The following STRADB variants were observed in gnomAD, a reference collection of about 807,000 sequenced individuals.
STRADB encodes the protein STE20 related adaptor beta, also known as STE20-related kinase adapter protein beta.
Under a neutral mutation model 52.1 loss-of-function variants are expected in STRADB, and 34 were observed. The observed-to-expected ratio is 0.65, with a 90% CI of 0.50 to 0.87. The LOEUF is 0.87. STRADB is among the 40% of genes least tolerant of loss of function. The pLI, the probability that STRADB is intolerant of heterozygous loss-of-function variation, is 0.00. For missense variants in STRADB, 340 were observed against 483.9 expected (o/e 0.70, Z 2.79); for synonymous variants, 133 against 174.5 (o/e 0.76, Z 1.87).
Position 201,454,866 on chromosome 2 carries a change from A to G in STRADB, c.12+14A>G. On this transcript the variant is annotated intron_variant, in intron 2 of 11. Transcript: ENST00000194530. Reference sequence around the variant, plus strand: ...ATGTCTCTTTTGGTAAGTTTTTGTAAATATAGATCTGATTTTGTTCTGTCA... The same window carrying G: ...ATGTCTCTTTTGGTAAGTTTTTGTAGATATAGATCTGATTTTGTTCTGTCA... The G allele has an allele frequency of 6.2e-7, 1 of 1,607,170 alleles. No homozygotes were observed. The highest frequency in any genetic ancestry group is 1.1e-5 in the South Asian group (1 of 89,778).
intron 3 of STRADB, among the ~76,000 whole-genome samples, chr2:201,467,613 C>T (rs554599408): frequency 1.1e-4 from 16 of 152,230 alleles, no homozygotes; most frequent in Non-Finnish European, 7.3e-5. Flanking sequence ...TGGCCACTTG[C>T]AAATGGCAAC....
chr2:201,472,458 A>G (rs2125680340), intron 4 of STRADB, among the ~76,000 whole-genome samples: 1 of 152,348 alleles, frequency 6.6e-6, no homozygotes, highest in Non-Finnish European at 1.5e-5. Context: ...AGCAACGTGG[A>G]TGAGTCTCAG....
At chr2:201,459,793 A>G (rs556265028) in intron 3 of STRADB, among the ~76,000 whole-genome samples, 12 of 152,354 alleles carry the variant, frequency 7.9e-5, no homozygotes, top group African/African-American at 2.6e-4. Context: ...CTAAATTAGC[A>G]TAATATGAGG....
intron 6 of STRADB, among the ~76,000 whole-genome samples, chr2:201,475,267 G>T (rs1952453896): frequency 6.6e-6 from 1 of 151,970 alleles, no homozygotes. Flanking sequence ...TTCAATAATT[G>T]TGTTGAATAA....
chr2:201,476,934 A>T (rs550597426), intron 7 of STRADB, among the ~76,000 whole-genome samples: 1 of 130,092 alleles, frequency 7.7e-6, no homozygotes, highest in South Asian at 2.9e-4. Context: ...GTAAGCCAGG[A>T]TCACTCCACT....
At chr2:201,454,569 T>C (rs1272898042) in intron 1 of STRADB, among the ~76,000 whole-genome samples, 177 bp from the exon 2 acceptor site, 1 of 152,220 alleles carries the variant, frequency 6.6e-6, no homozygotes, top group Non-Finnish European at 1.5e-5. Flanking sequence ...TAATGTTCAG[T>C]AAAAAATAAA....
intron 3 of STRADB, among the ~76,000 whole-genome samples, chr2:201,465,273 T>C (rs970329110): frequency 6.6e-6 from 1 of 152,144 alleles, no homozygotes; most frequent in Admixed American, 6.5e-5. Context: ...TGGATACTGT[T>C]GATGTTTATT....
Position 201,454,781 on chromosome 2 carries a change from A to G in STRADB, c.-60A>G. The G allele has an allele frequency of 2.0e-6, 3 of 1,527,344 alleles. No individual in the cohort carries two copies. The South Asian group carries it at 3.6e-5, about 18-fold the overall frequency. 94.6% of individuals were successfully genotyped at this position (1,527,344 alleles called of 1,614,324 possible). ...CTGCATCTTGAAAGGAAGATAAAAC[A>G]AAAGCCTTCTTTGGAATAGATGGAT... is the stretch of plus-strand genomic sequence containing the variant. On this transcript the variant is annotated 5_prime_UTR_variant, in exon 2 of 12. Coordinates refer to ENST00000194530, the MANE Select transcript of STRADB (RefSeq NM_018571.6).
At chr2:201,462,832 A>G (rs1207887825) in intron 3 of STRADB, among the ~76,000 whole-genome samples, 3 of 152,188 alleles carry the variant, frequency 2.0e-5, no homozygotes, top group Non-Finnish European at 2.9e-5. Context: ...ACAATGTTAT[A>G]ATAGTCTGTT....
intron 4 of STRADB, among the ~76,000 whole-genome samples, chr2:201,470,765 AG>A (rs1445120857): frequency 2.6e-5 from 4 of 152,216 alleles, no homozygotes; most frequent in Non-Finnish European, 5.9e-5. Context: ...GATGGCAAAA[AG>A]GGGCTGGATC....
chr2:201,463,144 T>A (rs1285626918), intron 3 of STRADB, among the ~76,000 whole-genome samples: 3 of 152,278 alleles, frequency 2.0e-5, no homozygotes, highest in Admixed American at 6.5e-5. Context: ...GAGACCATCC[T>A]GGCTAACATG....
At position 201,480,237 on chromosome 2, in the gene STRADB, G is replaced by T; in HGVS notation, c.*62G>T. ...CTTTCTCCTTGCTGCTTTTTCTTCT[G>T]TATTTCTAGGTACAAATACCAGAAT... On this transcript the variant is annotated 3_prime_UTR_variant, in exon 12 of 12. Coordinates refer to ENST00000194530, the MANE Select transcript of STRADB (RefSeq NM_018571.6). 6.3e-7 allele frequency: 1 copy of T among 1,592,924 alleles called. No individual in the cohort carries two copies.
chr2:201,453,137 G>C (rs553993837), intron 1 of STRADB, among the ~76,000 whole-genome samples: 2 of 149,828 alleles, frequency 1.3e-5, no homozygotes, highest in African/African-American at 4.9e-5. Flanking sequence ...AAAAATCTCT[G>C]AGATTAAACC....
At position 201,474,652 on chromosome 2, in the gene STRADB, C is replaced by T. The variant is rs1232664062; in HGVS notation, c.321C>T (p.Ala107=). 4.4e-6 allele frequency: 7 copies of T among 1,608,870 alleles called. No homozygotes were observed. Among genetic ancestry groups the T allele is most frequent in the South Asian group, 3.3e-5 (3 of 89,742 alleles). The change falls in exon 6 of 12, where the codon GCC becomes GCT. Residue 107 remains alanine (A), a synonymous_variant. Coordinates refer to ENST00000194530, the MANE Select transcript of STRADB (RefSeq NM_018571.6). ...NEERLKALQK[A]VILSHFFRHP... ...CTCTTGTGTGTTTATCCTAGAAAGC[C>T]GTGATTCTATCCCACTTTTTCCGGC...
At chr2:201,474,092 G>A (rs1044285819) in intron 5 of STRADB, among the ~76,000 whole-genome samples, 4 of 151,878 alleles carry the variant, frequency 2.6e-5, no homozygotes, top group South Asian at 2.1e-4. Flanking sequence ...GGGTTTCACC[G>A]TGTTAGCCAG....
At chr2:201,475,855 A>T in intron 7 of STRADB, 113 bp downstream of exon 7, 2 of 1,206,054 alleles carry the variant, frequency 1.7e-6, no homozygotes, top group Non-Finnish European at 2.3e-6. Context: ...GAAACTTGTA[A>T]GTGAAAATTG....
chr2:201,458,531 A>G (rs761063519), intron 2 of STRADB, among the ~76,000 whole-genome samples: 1 of 152,246 alleles, frequency 6.6e-6, no homozygotes, highest in Non-Finnish European at 1.5e-5. Flanking sequence ...TCAAGAAAAG[A>G]GGGCAAGGAT....
rs1952045254 is a variant in STRADB at position 201,451,822 on chromosome 2, CGCCGGGAGCGGGCCTA to C, written c.-210_-195del. 6.6e-6 allele frequency: 1 copy of C among 152,168 alleles called. No individual in the cohort carries two copies. Among genetic ancestry groups the C allele is most frequent in the Non-Finnish European group, 1.5e-5 (1 of 68,092 alleles). 9.4% of individuals were successfully genotyped at this position (152,168 alleles called of 1,614,324 possible). ...GGCCTCGCCGCCCTCCCGCGCCCCG[CGCCGGGAGCGGGCCTA>C]GAGCGCTCGCCTCGCCCCTCCGCGA... On this transcript the variant is annotated 5_prime_UTR_variant, in exon 1 of 12. Coordinates refer to ENST00000194530, the MANE Select transcript of STRADB (RefSeq NM_018571.6).
Position 201,480,158 on chromosome 2 carries a change from T to A in STRADB, c.1240T>A (p.Ser414Thr). 1 of 1,613,780 alleles carries A rather than the reference T, an allele frequency of 6.2e-7. No individual in the cohort carries two copies. Among genetic ancestry groups the A allele is most frequent in the Non-Finnish European group, 8.5e-7 (1 of 1,179,762 alleles). Reference protein sequence around the residue: ...PECDFPDEKDSYWEF With the variant: ...PECDFPDEKDTYWEF ...ATGTGATTTTCCTGATGAAAAAGACTCATACTGGGAATTCTAGGGCTGCCA... is the reference window on the plus strand; with the variant it reads ...ATGTGATTTTCCTGATGAAAAAGACACATACTGGGAATTCTAGGGCTGCCA... Residue 414 changes from serine to threonine, a missense_variant, in exon 12 of 12, where the codon TCA (serine) becomes ACA (threonine). Physicochemically the swap from Ser to Thr is moderately conservative, Grantham distance 58 (BLOSUM62 1). Coordinates refer to ENST00000194530, the MANE Select transcript of STRADB (RefSeq NM_018571.6).
Sources: gnomAD v4.1 joint callset for allele counts (sites outside exome capture counted in the v4.1 genomes callset) on GRCh38, gnomAD v4.1.1 for gene constraint, MANE v1.5 for transcripts, NCBI Gene and HGNC (gene_info 2026-07-23, HGNC 2026-07-21) for gene names.